The following ZNF285 variants were observed in gnomAD, a reference collection of about 807,000 sequenced individuals.
ZNF285 encodes zinc finger protein 285A.
A neutral mutation model predicts 6.2 loss-of-function variants in ZNF285; 4 were observed. That is an observed-to-expected ratio of 0.65 (90% CI 0.32 to 1.49). The LOEUF is 1.49. ZNF285 is among the 40% of genes most tolerant of loss of function. The probability of loss-of-function intolerance (pLI) is 0.07; values close to 1 mark genes in which losing one functional copy is unlikely to be tolerated. For synonymous variants in ZNF285, 240 were observed against 245.8 expected, an observed-to-expected ratio of 0.98 and a Z score of 0.22; for missense variants, 695 against 708.8, an observed-to-expected ratio of 0.98 and a Z score of 0.22.
At chr19:44,395,992 A>T (rs2123284272) in intron 2 of ZNF285, among the ~76,000 whole-genome samples, 1 of 152,294 alleles carries the variant, frequency 6.6e-6, no homozygotes, top group Admixed American at 6.5e-5. Context: ...TGGGTGATGC[A>T]GTGGTGAACA....
At chr19:44,395,646 GGTAA>G (rs778147132) in intron 2 of ZNF285, among the ~76,000 whole-genome samples, 4 of 152,202 alleles carry the variant, frequency 2.6e-5, no homozygotes, top group Non-Finnish European at 5.9e-5. Flanking sequence ...CAGAGAGTGT[GGTAA>G]GTTAGACTGC....
At chr19:44,398,825 T>C (rs1971327834) in intron 1 of ZNF285, among the ~76,000 whole-genome samples, 1 of 152,068 alleles carries the variant, frequency 6.6e-6, no homozygotes. Flanking sequence ...ACACCGAAGA[T>C]TAAAAAACAA....
intron 3 of ZNF285, among the ~76,000 whole-genome samples, 182 bp from the exon 4 acceptor site, chr19:44,388,284 T>A (rs1179781118): frequency 6.6e-6 from 1 of 151,920 alleles, no homozygotes; most frequent in Non-Finnish European, 1.5e-5. Context: ...TGTAGGGAAA[T>A]TAAAAGAAAT....
chr19:44,392,694 T>C (rs1374553692), intron 2 of ZNF285: 16 of 763,974 alleles, frequency 2.1e-5, no homozygotes, highest in Non-Finnish European at 2.6e-5. Flanking sequence ...TGTCCTTACA[T>C]GGCAGAGGGA....
At position 44,385,873 on chromosome 19, in the gene ZNF285, C is replaced by T. The variant is rs1226431445; in HGVS notation, c.*599G>A. The T allele has an allele frequency of 6.5e-6, 1 of 154,516 alleles. No individual in the cohort carries two copies. The highest frequency in any genetic ancestry group is 1.4e-5 in the Non-Finnish European group (1 of 69,580). 9.6% of individuals were successfully genotyped at this position (154,516 alleles called of 1,614,324 possible). On this transcript the variant is annotated 3_prime_UTR_variant, in exon 4 of 4. Transcript: ENST00000614994. ...AATCACATGGGCACACTCTTAACTGCAAGGGTTACTGGGAAATAGACTTCT... is the reference window on the plus strand; with the variant it reads ...AATCACATGGGCACACTCTTAACTGTAAGGGTTACTGGGAAATAGACTTCT...
Position 44,397,077 on chromosome 19 carries a change from G to A in ZNF285, c.15+122C>T, listed in dbSNP as rs1971293232. 10 of 1,383,748 alleles carry A rather than the reference G, an allele frequency of 7.2e-6. 1 individual carries two copies. In the South Asian group the frequency reaches 1.3e-4, roughly 18 times the overall value. 85.7% of individuals were successfully genotyped at this position (1,383,748 alleles called of 1,614,324 possible). ...CACCTGCCTCACAAAGTCATTATGA[G>A]CAGATAAAGTACCTAATACATAGTA... On this transcript the variant is annotated intron_variant, in intron 2 of 3. Coordinates refer to ENST00000614994, the MANE Select transcript of ZNF285 (RefSeq NM_152354.6).
Position 44,394,585 on chromosome 19 carries a change from A to T in ZNF285, c.16-2119T>A, listed in dbSNP as rs182238431. 5.2e-4 allele frequency: 295 copies of T among 570,986 alleles called. 2 individuals carry two copies. The highest frequency in any genetic ancestry group is 4.8e-3 in the African/African-American group (249 of 52,368). The allele number at this position is 570,986 out of a possible 1,614,324, so 35.4% of individuals were successfully genotyped here. On this transcript the variant is annotated intron_variant, in intron 2 of 3. Transcript: ENST00000614994. ...GAAGAAAAGAAAATTTTAAAAAATT[A>T]AAAAAACCATCTCCTCATCAAGAAA... is the stretch of plus-strand genomic sequence containing the variant.
Position 44,388,003 on chromosome 19 carries a change from A to G in ZNF285, c.242T>C (p.Ile81Thr). Residue 81 changes from isoleucine (I) to threonine (T), a missense_variant, in exon 4 of 4, where the codon ATC becomes ACC. By Grantham distance (89) the Ile-to-Thr change is moderately conservative. Coordinates refer to ENST00000614994, the MANE Select transcript of ZNF285 (RefSeq NM_152354.6). ...LHCWQIWKQR[I>T]RDLTVSQDYI... ...ATCCTGACTCACAGTTAAATCCCGG[A>G]TCCTTTGTTTCCAAATCTGCCAGCA... 1 of 1,614,134 alleles carries G rather than the reference A, an allele frequency of 6.2e-7. No individual in the cohort carries two copies. Among genetic ancestry groups the G allele is most frequent in the Non-Finnish European group, 8.5e-7 (1 of 1,180,014 alleles).
Position 44,382,623 on chromosome 19 carries a change from G to C in ZNF285, c.*3849C>G, listed in dbSNP as rs1971021231. The C allele has an allele frequency of 6.6e-6, 1 of 152,216 alleles. No homozygotes were observed. 9.4% of individuals were successfully genotyped at this position (152,216 alleles called of 1,614,324 possible). The stretch of plus-strand genomic sequence containing the variant: ...GTAAGCTAAGGGTCTGGAAGAGAAG[G>C]CACAGGACCACAATTTCTCATACCA... On this transcript the variant is annotated 3_prime_UTR_variant, in exon 4 of 4. Coordinates refer to ENST00000614994, the MANE Select transcript of ZNF285 (RefSeq NM_152354.6).
Position 44,387,093 on chromosome 19 carries a change from G to A in ZNF285, c.1152C>T (p.Ser384=). The change falls in exon 4 of 4, where the codon AGC becomes AGT. Residue 384 remains serine, a synonymous_variant. Coordinates refer to ENST00000614994, the MANE Select transcript of ZNF285 (RefSeq NM_152354.6). The part of the protein sequence containing the change: ...CEECGKGFDQ[S]SNLLVHQRVH... ...CTCTCTGATGGACAAGAAGGTTGGAGCTCTGATCAAAGCCCTTCCCACACT... is the reference window on the plus strand; with the variant it reads ...CTCTCTGATGGACAAGAAGGTTGGAACTCTGATCAAAGCCCTTCCCACACT... The A allele has an allele frequency of 6.2e-7, 1 of 1,614,132 alleles. No individual in the cohort carries two copies.
intron 3 of ZNF285, among the ~76,000 whole-genome samples, chr19:44,389,965 G>T (rs531536401): frequency 3.7e-4 from 56 of 152,268 alleles, no homozygotes; most frequent in African/African-American, 1.3e-3. Flanking sequence ...CTGTGTGATC[G>T]TGGGCAAGTT....
intron 3 of ZNF285, among the ~76,000 whole-genome samples, chr19:44,391,787 T>C (rs1568387103): frequency 6.6e-6 from 1 of 152,108 alleles, no homozygotes; most frequent in Non-Finnish European, 1.5e-5. Flanking sequence ...CATATAACTG[T>C]ATATGAACCT....
rs1971076830 is a variant in ZNF285, at chr19:44,386,596, C to T, written c.1649G>A (p.Ser550Asn). Reference sequence around the variant, plus strand: ...ATGGGCAAGGAGGTATGAATTACGACTGAAGCCCTTACCACATGCCTTACA... The same window carrying T: ...ATGGGCAAGGAGGTATGAATTACGATTGAAGCCCTTACCACATGCCTTACA... ...YKCKACGKGF[S>N]RNSYLLAHQR... The change falls in exon 4 of 4, where the codon AGT becomes AAT. Residue 550 changes from serine (S) to asparagine (N), a missense_variant. Transcript: ENST00000614994. The T allele has an allele frequency of 4.3e-6, 7 of 1,614,206 alleles. No individual in the cohort carries two copies. The highest frequency in any genetic ancestry group is 5.9e-6 in the Non-Finnish European group (7 of 1,180,020).
chr19:44,394,583 T>C, intron 2 of ZNF285: 1 of 574,730 alleles, frequency 1.7e-6, no homozygotes, highest in South Asian at 2.4e-5. Flanking sequence ...TTTTAAAAAA[T>C]TAAAAAAACC....
intron 1 of ZNF285, among the ~76,000 whole-genome samples, chr19:44,397,774 C>T (rs947392156): frequency 6.6e-6 from 1 of 151,924 alleles, no homozygotes; most frequent in African/African-American, 2.4e-5. Flanking sequence ...ATCCCAGCTA[C>T]TCAGGAGGCT....
Position 44,387,713 on chromosome 19 carries a change from G to C in ZNF285, c.532C>G (p.Arg178Gly), listed in dbSNP as rs145710160. The stretch of plus-strand genomic sequence containing the variant: ...CTGAGGCTGTCATCATGCTGAGCAC[G>C]TCTGTACAATTTCTCTTCCATGTAA... Reference protein sequence around the residue: ...GIYMEEKLYRRAQHDDSLSWT... With the variant: ...GIYMEEKLYRGAQHDDSLSWT... Residue 178 changes from arginine (R) to glycine (G), a missense_variant, in exon 4 of 4, where the codon CGT becomes GGT. By Grantham distance (125) the Arg-to-Gly change is moderately radical. Transcript: ENST00000614994. The C allele has an allele frequency of 1.2e-6, 2 of 1,613,684 alleles. No individual in the cohort carries two copies. Among genetic ancestry groups the C allele is most frequent in the African/African-American group, 2.7e-5 (2 of 74,824 alleles).
intron 1 of ZNF285, among the ~76,000 whole-genome samples, chr19:44,401,215 G>A (rs1298132462): frequency 1.3e-5 from 2 of 152,220 alleles, no homozygotes; most frequent in Middle Eastern, 3.4e-3. Flanking sequence ...CTGAGCCAGC[G>A]CCCCTCTGCC....
Position 44,384,058 on chromosome 19 carries a change from T to C in ZNF285, c.*2414A>G, listed in dbSNP as rs1971036169. Reference sequence around the variant, plus strand: ...AAACCCCAAAAGCTTCCTAGGATAATGTGTATCCCGGATTTTTTCTCTAAC... The same window carrying C: ...AAACCCCAAAAGCTTCCTAGGATAACGTGTATCCCGGATTTTTTCTCTAAC... On this transcript the variant is annotated 3_prime_UTR_variant, in exon 4 of 4. Transcript: ENST00000614994. 6.6e-6 allele frequency: 1 copy of C among 152,176 alleles called. No individual in the cohort carries two copies. Among genetic ancestry groups the C allele is most frequent in the African/African-American group, 2.4e-5 (1 of 41,450 alleles). 9.4% of individuals were successfully genotyped at this position (152,176 alleles called of 1,614,324 possible).
chr19:44,389,642 A>G (rs1971160391), intron 3 of ZNF285, among the ~76,000 whole-genome samples: 1 of 151,640 alleles, frequency 6.6e-6, no homozygotes, highest in African/African-American at 2.4e-5. Context: ...TTTCTTTATT[A>G]TTATTATACT....
Sources: gnomAD v4.1 joint callset for allele counts (sites outside exome capture counted in the v4.1 genomes callset) on GRCh38, gnomAD v4.1.1 for gene constraint, MANE v1.5 for transcripts, NCBI Gene and HGNC (gene_info 2026-07-23, HGNC 2026-07-21) for gene names.